The following MRPS10 variants were observed in gnomAD, a reference collection of about 807,000 sequenced individuals.
MRPS10 encodes the protein mitochondrial ribosomal protein S10.
Under a neutral mutation model 27.5 loss-of-function variants are expected in MRPS10, and 23 were observed. The ratio of observed to expected loss-of-function variants is 0.84; its 90% CI spans 0.60 to 1.18. MRPS10 has a LOEUF of 1.18. Among genes scored for constraint, MRPS10 ranks in the 50% most tolerant of loss-of-function variants. The pLI, the probability that MRPS10 is intolerant of heterozygous loss-of-function variation, is 0.00. For synonymous variants in MRPS10, 88 were observed against 84.2 expected (o/e 1.04, Z -0.25); for missense variants, 237 against 240.1 (o/e 0.99, Z 0.09).
At chr6:42,216,385 A>AGTGTGTGTGTGTGTGTGTGTGTGTGTGT (rs1225590522) in intron 1 of MRPS10, among the ~76,000 whole-genome samples, 10 of 58,666 alleles carry the variant, frequency 1.7e-4, no homozygotes, top group East Asian at 1.2e-3. Context: ...AGAGAGAGAG[A>AGTGTGTGTGTGTGTGTGTGTGTGTGTGT]GTGTGTGTGT....
At chr6:42,208,831 C>G in intron 6 of MRPS10, 27 bp downstream of exon 6, 1 of 1,497,226 alleles carries the variant, frequency 6.7e-7, no homozygotes, top group South Asian at 1.1e-5. Context: ...ACCGCCCCAC[C>G]GAAAGAGGCA....
intron 3 of MRPS10, among the ~76,000 whole-genome samples, chr6:42,212,505 C>T (rs1768811847): frequency 6.6e-6 from 1 of 152,214 alleles, no homozygotes; most frequent in South Asian, 2.1e-4. Flanking sequence ...GTTTTGTCTG[C>T]CCTAATAAAC....
intron 1 of MRPS10, among the ~76,000 whole-genome samples, chr6:42,216,175 C>G (rs975168140): frequency 6.6e-6 from 1 of 151,274 alleles, no homozygotes; most frequent in Admixed American, 6.6e-5. Flanking sequence ...AGGGGCCCAC[C>G]GCCACACTCA....
In MRPS10 at chr6:42,211,930, A is replaced by T. The variant is rs1768793155; in HGVS notation, c.187-13T>A. On this transcript the variant is annotated splice_polypyrimidine_tract_variant and intron_variant, in intron 3 of 6. Transcript: ENST00000053468. ...CAGAGATTGTTACCTAAAATCCAAAAGAAAAGTTTCAGTTTTAGTTCCTCT... is the reference window on the plus strand; with the variant it reads ...CAGAGATTGTTACCTAAAATCCAAATGAAAAGTTTCAGTTTTAGTTCCTCT... 6.2e-6 allele frequency: 10 copies of T among 1,601,868 alleles called. No individual in the cohort carries two copies. Among genetic ancestry groups the T allele is most frequent in the Non-Finnish European group, 8.5e-6 (10 of 1,176,828 alleles).
rs890802009 is a variant in MRPS10 at position 42,208,448 on chromosome 6, G to A, written c.523-76C>T. 6.4e-6 allele frequency: 7 copies of A among 1,101,528 alleles called. No homozygotes were observed. The Admixed American group carries it at 6.7e-5, about 11-fold the overall frequency. The allele number at this position is 1,101,528 out of a possible 1,614,324, so 68.2% of individuals were successfully genotyped here. On this transcript the variant is annotated intron_variant, in intron 6 of 6. Transcript: ENST00000053468. ...GACTACAAATCGGACTTATTAATTTGGTCAAATCCTCTTTACTTCTTTTTC... is the reference window on the plus strand; with the variant it reads ...GACTACAAATCGGACTTATTAATTTAGTCAAATCCTCTTTACTTCTTTTTC...
chr6:42,211,749 G>T, intron 4 of MRPS10, 32 bp downstream of exon 4: 1 of 1,591,370 alleles, frequency 6.3e-7, no homozygotes, highest in Non-Finnish European at 8.5e-7. Flanking sequence ...TTACAGCAGC[G>T]AACAGGTCGG....
intron 3 of MRPS10, 83 bp from the exon 4 acceptor site, chr6:42,212,000 A>T: frequency 7.8e-7 from 1 of 1,276,078 alleles, no homozygotes. Flanking sequence ...TCAATTGAAC[A>T]ACTTCAGAGT....
intron 1 of MRPS10, among the ~76,000 whole-genome samples, chr6:42,217,095 CCTTA>C (rs1229174518): frequency 2.0e-5 from 3 of 152,068 alleles, no homozygotes; most frequent in Non-Finnish European, 1.5e-5. Flanking sequence ...CATTGCTGCT[CCTTA>C]CTCAGTTTGT....
At chr6:42,208,404 G>A (rs1484848063) in intron 6 of MRPS10, 32 bp from the exon 7 acceptor site, 1 of 1,451,750 alleles carries the variant, frequency 6.9e-7, no homozygotes. Flanking sequence ...ACTATAATGT[G>A]GATTTAACAG....
intron 1 of MRPS10, among the ~76,000 whole-genome samples, chr6:42,216,385 A>AGAGAGAGTGAGTGTGTGTGTGTGT: frequency 3.4e-5 from 2 of 58,702 alleles, no homozygotes; most frequent in South Asian, 1.8e-3. Context: ...AGAGAGAGAG[A>AGAGAGAGTGAGTGTGTGTGTGTGT]GTGTGTGTGT....
chr6:42,208,906 T>G lies in MRPS10; in HGVS notation c.474A>C (p.Glu158Asp). The G allele has an allele frequency of 6.2e-7, 1 of 1,612,458 alleles. No individual in the cohort carries two copies. Among genetic ancestry groups the G allele is most frequent in the South Asian group, 1.1e-5 (1 of 90,938 alleles). The change falls in exon 6 of 7, where the codon GAA becomes GAC. Residue 158 changes from glutamate to aspartate, a missense_variant. Transcript: ENST00000053468. ...LTGSTADVYLEYIQRNLPEGV... is the reference protein window; with the variant it reads ...LTGSTADVYLDYIQRNLPEGV... ...CTTCAGGTAAGTTTCGCTGAATATA[T>G]TCCAAGTAGACATCTGCTGTGCTTC...
At chr6:42,216,795 G>A (rs1238257336) in intron 1 of MRPS10, among the ~76,000 whole-genome samples, 1 of 152,118 alleles carries the variant, frequency 6.6e-6, no homozygotes, top group South Asian at 2.1e-4. Context: ...TGGGCGACAA[G>A]AGCGAAACTC....
intron 1 of MRPS10, among the ~76,000 whole-genome samples, chr6:42,216,640 G>A (rs1768950113): frequency 6.6e-6 from 1 of 151,356 alleles, no homozygotes. Flanking sequence ...GTGAAACCCC[G>A]TCTCTGCTAA....
At position 42,211,922 on chromosome 6, in the gene MRPS10, A is replaced by C. The variant is rs1768792701; in HGVS notation, c.187-5T>G. 1 of 1,602,602 alleles carries C rather than the reference A, an allele frequency of 6.2e-7. No individual in the cohort carries two copies. Among genetic ancestry groups the C allele is most frequent in the East Asian group, 2.2e-5 (1 of 44,844 alleles). On this transcript the variant is annotated splice_region_variant and splice_polypyrimidine_tract_variant and intron_variant, in intron 3 of 6. Transcript: ENST00000053468. The stretch of plus-strand genomic sequence containing the variant: ...TGGTTCATCAGAGATTGTTACCTAA[A>C]ATCCAAAAGAAAAGTTTCAGTTTTA...
At chr6:42,215,061 T>C (rs13197936) in intron 1 of MRPS10, among the ~76,000 whole-genome samples, 8,933 of 152,144 alleles carry the variant, frequency 0.059, 359 homozygotes, top group Admixed American at 0.11. Flanking sequence ...CCTGAGAAAG[T>C]GGAAACACAA....
At chr6:42,212,012 T>A in intron 3 of MRPS10, 95 bp from the exon 4 acceptor site, 1 of 1,147,070 alleles carries the variant, frequency 8.7e-7, no homozygotes, top group Non-Finnish European at 1.2e-6. Context: ...CTTCAGAGTT[T>A]ACTAATAAAT....
At chr6:42,215,143 C>G (rs1180308765) in intron 1 of MRPS10, among the ~76,000 whole-genome samples, 1 of 152,050 alleles carries the variant, frequency 6.6e-6, no homozygotes, top group Non-Finnish European at 1.5e-5. Flanking sequence ...AATCCCAGCA[C>G]TTTGGGAGGC....
At chr6:42,211,277 C>T (rs1034813476) in intron 4 of MRPS10, among the ~76,000 whole-genome samples, 2 of 152,232 alleles carry the variant, frequency 1.3e-5, no homozygotes, top group Non-Finnish European at 2.9e-5. Context: ...CCTACTCTAC[C>T]TCCCTGCTCC....
At position 42,208,810 on chromosome 6, in the gene MRPS10, T is replaced by TA. The variant is rs761359257; in HGVS notation, c.522+47dup. 2.4e-6 allele frequency: 3 copies of TA among 1,266,902 alleles called. No homozygotes were observed. In the South Asian group the frequency reaches 3.7e-5, roughly 16 times the overall value. The allele number at this position is 1,266,902 out of a possible 1,614,324, so 78.5% of individuals were successfully genotyped here. On this transcript the variant is annotated intron_variant, in intron 6 of 6. Transcript: ENST00000053468. ...CAATGTATCAAAACAACAATACAGA[T>TA]ACCACTCCCCACCGCCCCACCGAAA...
Sources: gnomAD v4.1 joint callset for allele counts (sites outside exome capture counted in the v4.1 genomes callset) on GRCh38, gnomAD v4.1.1 for gene constraint, MANE v1.5 for transcripts, NCBI Gene and HGNC (gene_info 2026-07-23, HGNC 2026-07-21) for gene names.